The following RNF31 variants were observed in gnomAD, a reference collection of about 807,000 sequenced individuals.
RNF31 encodes the protein E3 ubiquitin-protein ligase RNF31.
Under a neutral mutation model 133.6 loss-of-function variants are expected in RNF31, and 38 were observed. The observed-to-expected ratio is 0.28, with a 90% CI of 0.22 to 0.37. The LOEUF (loss-of-function observed/expected upper bound fraction) is 0.37, where lower values mean the gene tolerates loss of function less well. Ranked by LOEUF, RNF31 falls within the 10% of genes least tolerant of loss-of-function variation. The pLI, the probability that RNF31 is intolerant of heterozygous loss-of-function variation, is 1.00. For missense variants in RNF31, 1,118 were observed against 1,394.1 expected (o/e 0.80, Z 3.15); for synonymous variants, 582 against 552.3 (o/e 1.05, Z -0.75).
At chr14:24,149,648 C>T (rs1394255567) in intron 6 of RNF31, 65 bp downstream of exon 6, 3 of 1,489,752 alleles carry the variant, frequency 2.0e-6, no homozygotes. Flanking sequence ...TGATTATGGA[C>T]TACCTGCCAG....
Position 24,148,346 on chromosome 14 carries a change from A to G in RNF31, c.428A>G (p.Glu143Gly), listed in dbSNP as rs1272117492. The change falls in exon 3 of 21, where the codon GAG becomes GGG. Residue 143 changes from glutamate (E) to glycine (G), a missense_variant. Transcript: ENST00000324103. ...SFPEGQEEPD[E>G]HQVATVTLEV... ...CCCGAAGGGCAGGAGGAGCCAGATG[A>G]GCACCAGGTTGCTACAGTCACACTG... 1 of 1,614,086 alleles carries G rather than the reference A, an allele frequency of 6.2e-7. No individual in the cohort carries two copies. Among genetic ancestry groups the G allele is most frequent in the African/African-American group, 1.3e-5 (1 of 74,926 alleles).
chr14:24,154,107 G>A (rs1594379469), intron 11 of RNF31, among the ~76,000 whole-genome samples: 1 of 152,004 alleles, frequency 6.6e-6, no homozygotes, highest in Non-Finnish European at 1.5e-5. Context: ...CGATTCTCCT[G>A]TCCCAGCCTC....
chr14:24,154,578 C>T (rs1207924467), intron 11 of RNF31, among the ~76,000 whole-genome samples: 1 of 152,178 alleles, frequency 6.6e-6, no homozygotes, highest in Non-Finnish European at 1.5e-5. Flanking sequence ...GTGCCCGGCC[C>T]CCAGTGGTGA....
At chr14:24,152,040 T>C in intron 11 of RNF31, 48 bp downstream of exon 11, 1 of 1,560,340 alleles carries the variant, frequency 6.4e-7, no homozygotes, top group Non-Finnish European at 8.7e-7. Context: ...TCTATTCTTT[T>C]GGACCCCCAT....
In RNF31 at chr14:24,155,305, G is replaced by A; in HGVS notation, c.2279G>A (p.Ser760Asn). Reference protein sequence around the residue: ...PDLTDDTQLLSYFSTLDIQLR... With the variant: ...PDLTDDTQLLNYFSTLDIQLR... Reference sequence around the variant, plus strand: ...CTCACCGATGACACACAGTTGCTCAGCTACTTCTCTACCCTTGACATCCAG... The same window carrying A: ...CTCACCGATGACACACAGTTGCTCAACTACTTCTCTACCCTTGACATCCAG... Residue 760 changes from serine to asparagine, a missense_variant, in exon 12 of 21, where the codon AGC becomes AAC. This residue lies in a region of RNF31 where 201 missense variants were observed against 371.7 expected (regional missense o/e 0.54). Transcript: ENST00000324103. This position sits in a 1 kb window ranked among gnomAD's most constrained non-coding sequence, Gnocchi z 4.9. 3.7e-6 allele frequency: 6 copies of A among 1,614,180 alleles called. No homozygotes were observed. Among genetic ancestry groups the A allele is most frequent in the Non-Finnish European group, 5.1e-6 (6 of 1,180,036 alleles).
chr14:24,160,030 T>G lies in RNF31; in HGVS notation c.2996+70T>G. 1 of 1,479,380 alleles carries G rather than the reference T, an allele frequency of 6.8e-7. No individual in the cohort carries two copies. Among genetic ancestry groups the G allele is most frequent in the Non-Finnish European group, 9.3e-7 (1 of 1,070,926 alleles). 91.6% of individuals were successfully genotyped at this position (1,479,380 alleles called of 1,614,324 possible). On this transcript the variant is annotated intron_variant, in intron 19 of 20. Transcript: ENST00000324103. This position sits in a 1 kb window ranked among gnomAD's most constrained non-coding sequence, Gnocchi z 4.0. ...AAGTGGTGAGGGCATGCCCAGGCAG[T>G]AAAATGGGTCCTTGGGAGCAGTAGG...
At chr14:24,154,409 T>C (rs1350975541) in intron 11 of RNF31, among the ~76,000 whole-genome samples, 1 of 152,208 alleles carries the variant, frequency 6.6e-6, no homozygotes, top group Admixed American at 6.5e-5. Context: ...CCCAAAGTGC[T>C]GGGATTACAG....
chr14:24,157,515 T>C lies in RNF31; in HGVS notation c.2609-5T>C, dbSNP rs1428073556. ...GCTCCAGCCCTGACCTCTTGTCCTTTGCAGACTGCCCCAAATGCAAGTTCT... is the reference window on the plus strand; with the variant it reads ...GCTCCAGCCCTGACCTCTTGTCCTTCGCAGACTGCCCCAAATGCAAGTTCT... On this transcript the variant is annotated splice_polypyrimidine_tract_variant and splice_region_variant and intron_variant, in intron 15 of 20. Coordinates refer to ENST00000324103, the MANE Select transcript of RNF31 (RefSeq NM_017999.5). 2.5e-6 allele frequency: 4 copies of C among 1,613,834 alleles called. No homozygotes were observed. Among genetic ancestry groups the C allele is most frequent in the East Asian group, 2.2e-5 (1 of 44,898 alleles).
At chr14:24,154,611 A>G (rs1046432504) in intron 11 of RNF31, among the ~76,000 whole-genome samples, 1 of 152,164 alleles carries the variant, frequency 6.6e-6, no homozygotes, top group Non-Finnish European at 1.5e-5. Context: ...TTATAGTACA[A>G]TATCAAGACC....
At position 24,160,250 on chromosome 14, in the gene RNF31, A is replaced by G. The variant is rs762932636; in HGVS notation, c.3008A>G (p.Lys1003Arg). The change falls in exon 20 of 21, where the codon AAA becomes AGA. Residue 1003 changes from lysine to arginine, a missense_variant. Transcript: ENST00000324103. The surrounding 1 kb of genome is among the most constrained non-coding windows in gnomAD (Gnocchi z 4.0). ...GYAGLCQAHY[K>R]EYLVSLINAH... ...CCTTTTCTCCCCAGGGCACACTACAAAGAGTATCTTGTGAGCCTCATCAAT... is the reference window on the plus strand; with the variant it reads ...CCTTTTCTCCCCAGGGCACACTACAGAGAGTATCTTGTGAGCCTCATCAAT... 1.2e-6 allele frequency: 2 copies of G among 1,613,714 alleles called. No homozygotes were observed. Among genetic ancestry groups the G allele is most frequent in the Admixed American group, 1.7e-5 (1 of 60,014 alleles).
intron 11 of RNF31, among the ~76,000 whole-genome samples, chr14:24,153,957 A>C (rs1236438849): frequency 6.6e-6 from 1 of 152,230 alleles, no homozygotes; most frequent in African/African-American, 2.4e-5. Flanking sequence ...TTTCAAAAAT[A>C]GTGCATAGAG....
rs755955029 is a variant in RNF31, at chr14:24,157,855, C to T, written c.2728-43C>T. The T allele has an allele frequency of 1.2e-5, 19 of 1,553,880 alleles. 1 individual carries two copies. In the South Asian group the frequency reaches 2.0e-4, roughly 16 times the overall value. On this transcript the variant is annotated intron_variant, in intron 16 of 20. Transcript: ENST00000324103. The stretch of plus-strand genomic sequence containing the variant: ...AGGGGTTCCTGAGAGGCCAGGACCC[C>T]AACAGTCTCCAACTTCCTCTCTCCC...
At position 24,150,763 on chromosome 14, in the gene RNF31, G is replaced by A; in HGVS notation, c.1363G>A (p.Gly455Arg). ...PRPYASSLEK[G>R]PPKPGPPRRL... ...GCCCTATGCCAGCTCTTTGGAAAAGGGACCCCCCAAGCCTGGGCCCCCACG... is the reference window on the plus strand; with the variant it reads ...GCCCTATGCCAGCTCTTTGGAAAAGAGACCCCCCAAGCCTGGGCCCCCACG... Residue 455 changes from glycine to arginine, a missense_variant, in exon 8 of 21, where the codon GGA becomes AGA. By Grantham distance (125) the Gly-to-Arg change is moderately radical (BLOSUM62 -2). Coordinates refer to ENST00000324103, the MANE Select transcript of RNF31 (RefSeq NM_017999.5). The A allele has an allele frequency of 6.2e-7, 1 of 1,612,448 alleles. No homozygotes were observed. The highest frequency in any genetic ancestry group is 8.5e-7 in the Non-Finnish European group (1 of 1,179,308).
chr14:24,151,263 C>A lies in RNF31; in HGVS notation c.1621C>A (p.Gln541Lys), dbSNP rs2038261801. 6.2e-7 allele frequency: 1 copy of A among 1,614,074 alleles called. No homozygotes were observed. Among genetic ancestry groups the A allele is most frequent in the African/African-American group, 1.3e-5 (1 of 74,932 alleles). ...VLEMVAELAG[Q>K]QDPGLGAFSC... ...GGAGATGGTGGCTGAGCTGGCTGGA[C>A]AGCAGGACCCTGGGCTGGGTGCCTT... The change falls in exon 9 of 21, where the codon CAG becomes AAG. Residue 541 changes from glutamine (Q) to lysine (K), a missense_variant. Transcript: ENST00000324103. This position sits in a 1 kb window ranked among gnomAD's most constrained non-coding sequence, Gnocchi z 5.3.
chr14:24,152,433 A>AT (rs929680750), intron 11 of RNF31, among the ~76,000 whole-genome samples: 2 of 151,904 alleles, frequency 1.3e-5, no homozygotes, highest in Non-Finnish European at 2.9e-5. Flanking sequence ...TTACTTATTT[A>AT]TTTTTTTTAG....
Position 24,157,370 on chromosome 14 carries a change from G to C in RNF31, c.2574G>C (p.Gln858His). 6.2e-7 allele frequency: 1 copy of C among 1,612,026 alleles called. No homozygotes were observed. The highest frequency in any genetic ancestry group is 8.5e-7 in the Non-Finnish European group (1 of 1,178,294). Residue 858 changes from glutamine (Q) to histidine (H), a missense_variant, in exon 15 of 21, where the codon CAG becomes CAC. Physicochemically the swap from Gln to His is conservative, Grantham distance 24. This residue lies in a region of RNF31 where 201 missense variants were observed against 371.7 expected (regional missense o/e 0.54). Transcript: ENST00000324103. Reference protein sequence around the residue: ...KRMNDPEYQAQGLAMYLQENG... With the variant: ...KRMNDPEYQAHGLAMYLQENG... Reference sequence around the variant, plus strand: ...TGAACGACCCAGAATACCAGGCCCAGGGCCTAGCAATGTATCTTCAGGAAA... The same window carrying C: ...TGAACGACCCAGAATACCAGGCCCACGGCCTAGCAATGTATCTTCAGGAAA...
At chr14:24,159,032 CAAAAAAAAAAAA>C (rs529900287) in intron 18 of RNF31, among the ~76,000 whole-genome samples, 6 of 54,428 alleles carry the variant, frequency 1.1e-4, no homozygotes, top group South Asian at 1.5e-3. Context: ...GACTTCGTCT[CAAAAAAAAAAAA>C]AAAAAAAAAA....
intron 18 of RNF31, among the ~76,000 whole-genome samples, chr14:24,158,957 C>T (rs958137352): frequency 9.5e-5 from 14 of 146,804 alleles, no homozygotes; most frequent in Admixed American, 3.5e-4. Context: ...GGCATGAACC[C>T]GGGAGGCGGA....
chr14:24,146,954 T>C, upstream of RNF31: 1 of 277,960 alleles, frequency 3.6e-6, no homozygotes. Flanking sequence ...GTGGCGGGGC[T>C]CCCCCAAGAA....
Sources: allele counts gnomAD v4.1 joint callset (sites outside exome capture counted in the v4.1 genomes callset), GRCh38; gene constraint gnomAD v4.1.1; regional missense constraint gnomAD v4.1.1; non-coding constraint Gnocchi (gnomAD v3.1); transcripts MANE v1.5; gene names NCBI Gene and HGNC (gene_info 2026-07-23, HGNC 2026-07-21).